CRTC3: variants seen among roughly 807,000 people sequenced by gnomAD.
CRTC3 encodes the protein CREB-regulated transcription coactivator 3.
In CRTC3, 26 loss-of-function variants were observed where a neutral mutation model predicts 74.5. The ratio of observed to expected loss-of-function variants is 0.35; its 90% confidence interval spans 0.26 to 0.48. CRTC3 has a LOEUF of 0.48. Among genes scored for constraint, CRTC3 ranks in the 20% least tolerant of loss-of-function variants. The probability of loss-of-function intolerance (pLI) is 0.99; values close to 1 mark genes in which losing one functional copy is unlikely to be tolerated. For missense variants in CRTC3, 760 were observed against 787.3 expected, an observed-to-expected ratio of 0.97 and a Z score of 0.41; for synonymous variants, 377 against 325.8, an observed-to-expected ratio of 1.16 and a Z score of -1.69.
At chr15:90,626,481 G>A (rs902266255) in intron 10 of CRTC3, among the ~76,000 whole-genome samples, 8 of 152,184 alleles carry the variant, frequency 5.3e-5, no homozygotes, top group African/African-American at 1.9e-4. Context: ...CACAGTTCCA[G>A]TTAAAGATGT....
Position 90,642,170 on chromosome 15 carries a change from T to C in CRTC3, c.*30T>C. 1 of 1,588,668 alleles carries C rather than the reference T, an allele frequency of 6.3e-7. No homozygotes were observed. Among genetic ancestry groups the C allele is most frequent in the Non-Finnish European group, 8.6e-7 (1 of 1,157,552 alleles). On this transcript the variant is annotated 3_prime_UTR_variant, in exon 15 of 15. Transcript: ENST00000268184. ...AAGGCAGTGGAACAGAAGAATGTTT[T>C]TCTGCAACAGCCAAAATAGAATGGA...
intron 2 of CRTC3, among the ~76,000 whole-genome samples, chr15:90,576,272 A>C (rs1198613794): frequency 6.6e-6 from 1 of 152,128 alleles, no homozygotes; most frequent in East Asian, 1.9e-4. Context: ...ACAATAAATA[A>C]AAATAAATAG....
chr15:90,553,840 C>T (rs1966869006), intron 2 of CRTC3, among the ~76,000 whole-genome samples: 1 of 152,186 alleles, frequency 6.6e-6, no homozygotes, highest in Non-Finnish European at 1.5e-5. Context: ...GGGAATGTTT[C>T]CTGAGAAGTC....
At chr15:90,563,793 A>G (rs1231153552) in intron 2 of CRTC3, among the ~76,000 whole-genome samples, 1 of 152,232 alleles carries the variant, frequency 6.6e-6, no homozygotes, top group Non-Finnish European at 1.5e-5. Flanking sequence ...GAAGGTTTTC[A>G]GCCACTTCAT....
At chr15:90,544,735 A>G (rs1003155922) in intron 2 of CRTC3, among the ~76,000 whole-genome samples, 2 of 152,218 alleles carry the variant, frequency 1.3e-5, no homozygotes, top group Non-Finnish European at 2.9e-5. Context: ...ACTGTTTCAC[A>G]TTCTTACCAG....
At chr15:90,615,563 A>G (rs1177054114) in intron 7 of CRTC3, among the ~76,000 whole-genome samples, 1 of 152,270 alleles carries the variant, frequency 6.6e-6, no homozygotes, top group East Asian at 1.9e-4. Flanking sequence ...ACATCAATAA[A>G]CATCTAATCC....
At chr15:90,577,998 C>T (rs932943880) in intron 2 of CRTC3, among the ~76,000 whole-genome samples, 2 of 152,192 alleles carry the variant, frequency 1.3e-5, no homozygotes, top group African/African-American at 4.8e-5. Context: ...CAACCTCCAT[C>T]TCCCGGATTC....
chr15:90,596,867 A>G (rs1801243565), intron 3 of CRTC3, among the ~76,000 whole-genome samples: 1 of 152,266 alleles, frequency 6.6e-6, no homozygotes, highest in Admixed American at 6.5e-5. Flanking sequence ...CAGAATTATT[A>G]TAGCTGTTTC....
chr15:90,599,509 A>G (rs1968014363), intron 3 of CRTC3: 1 of 152,254 alleles, frequency 6.6e-6, no homozygotes, highest in Admixed American at 6.5e-5. Flanking sequence ...CAAAGAACAA[A>G]TAAACTTCTT....
At chr15:90,634,351 T>TGATCCACCCACCTCAGCC (rs1261361761) in intron 11 of CRTC3, among the ~76,000 whole-genome samples, 1 of 152,150 alleles carries the variant, frequency 6.6e-6, no homozygotes, top group Non-Finnish European at 1.5e-5. Context: ...TGACCTCAGG[T>TGATCCACCCACCTCAGCC]GATCCACCCA....
At chr15:90,608,297 A>G (rs1968277582) in intron 6 of CRTC3, among the ~76,000 whole-genome samples, 1 of 152,078 alleles carries the variant, frequency 6.6e-6, no homozygotes, top group Non-Finnish European at 1.5e-5. Context: ...CCTTCAGGAG[A>G]AAGAGCCCAG....
intron 11 of CRTC3, among the ~76,000 whole-genome samples, chr15:90,633,795 G>T (rs1969130618): frequency 6.6e-6 from 1 of 151,066 alleles, no homozygotes. Flanking sequence ...GCTTCTCTGT[G>T]GTTGCTTCCT....
intron 2 of CRTC3, among the ~76,000 whole-genome samples, chr15:90,565,306 C>G (rs866651301): frequency 6.6e-5 from 10 of 152,268 alleles, no homozygotes; most frequent in African/African-American, 1.9e-4. Context: ...ATAATAGTAG[C>G]ACTTCACAGT....
chr15:90,534,156 G>A (rs775743715), intron 1 of CRTC3, among the ~76,000 whole-genome samples: 5 of 152,168 alleles, frequency 3.3e-5, no homozygotes, highest in Non-Finnish European at 7.3e-5. Context: ...CTAAGATGGT[G>A]GCAGTCGGGA....
At chr15:90,619,700 C>T in intron 8 of CRTC3, 41 bp from the exon 9 acceptor site, 1 of 1,593,640 alleles carries the variant, frequency 6.3e-7, no homozygotes, top group Non-Finnish European at 8.6e-7. Flanking sequence ...TTGAATTTGG[C>T]TTTACAGCGA....
intron 2 of CRTC3, among the ~76,000 whole-genome samples, chr15:90,554,737 A>G (rs903196733): frequency 6.6e-6 from 1 of 152,218 alleles, no homozygotes; most frequent in African/African-American, 2.4e-5. Context: ...AAATCAGATA[A>G]TACGTGTGAA....
intron 2 of CRTC3, among the ~76,000 whole-genome samples, chr15:90,579,921 C>T (rs970100319): frequency 3.9e-5 from 6 of 152,116 alleles, no homozygotes; most frequent in African/African-American, 1.2e-4. Context: ...GGATTACAGG[C>T]ATGAGCCACC....
chr15:90,557,937 CT>C (rs1328063120), intron 2 of CRTC3, among the ~76,000 whole-genome samples: 1 of 152,122 alleles, frequency 6.6e-6, no homozygotes, highest in Admixed American at 6.5e-5. Context: ...AAATCGTGCC[CT>C]GAAACACAGT....
At chr15:90,536,883 T>G (rs1158216560) in intron 1 of CRTC3, among the ~76,000 whole-genome samples, 1 of 152,224 alleles carries the variant, frequency 6.6e-6, no homozygotes, top group Non-Finnish European at 1.5e-5. Context: ...AGCGATGCCA[T>G]GCAAGAACAT....
Sources: allele counts gnomAD v4.1 joint callset (sites outside exome capture counted in the v4.1 genomes callset), GRCh38; gene constraint gnomAD v4.1.1; transcripts MANE v1.5; gene names NCBI Gene and HGNC (gene_info 2026-07-23, HGNC 2026-07-21).